The following RBFOX2 variants were observed in gnomAD, a reference collection of about 807,000 sequenced individuals.
The protein encoded by RBFOX2 is RNA binding fox-1 homolog 2.
A neutral mutation model predicts 49.1 loss-of-function variants in RBFOX2; 10 were observed. The observed-to-expected ratio is 0.20, with a 90% confidence interval of 0.13 to 0.35. RBFOX2 has a LOEUF of 0.35. Among genes scored for constraint, RBFOX2 ranks in the 10% least tolerant of loss-of-function variants. RBFOX2 has a pLI of 1.00. For missense variants in RBFOX2, 323 were observed against 486.9 expected, an observed-to-expected ratio of 0.66 and a Z score of 3.17; for synonymous variants, 183 against 187.4, an observed-to-expected ratio of 0.98 and a Z score of 0.19.
At chr22:35,750,574 C>T (rs1934527696) in intron 9 of RBFOX2, 2 of 651,322 alleles carry the variant, frequency 3.1e-6, no homozygotes, top group South Asian at 3.8e-5. Flanking sequence ...ATAAATTTGG[C>T]TTGGCTAAGC....
intron 3 of RBFOX2, among the ~76,000 whole-genome samples, chr22:35,780,207 C>T (rs554538861): frequency 2.0e-5 from 3 of 152,028 alleles, no homozygotes; most frequent in African/African-American, 4.8e-5. Context: ...CTCTTTAGTG[C>T]GGAAAATACA....
chr22:35,893,880 A>C (rs1331401519), intron 1 of RBFOX2, among the ~76,000 whole-genome samples: 1 of 151,988 alleles, frequency 6.6e-6, no homozygotes, highest in African/African-American at 2.4e-5. Flanking sequence ...AAACTTTCAA[A>C]AAGCTGGTTA....
chr22:36,017,139 C>T (rs886333721), intron 1 of RBFOX2, among the ~76,000 whole-genome samples: 1 of 152,206 alleles, frequency 6.6e-6, no homozygotes, highest in African/African-American at 2.4e-5. Flanking sequence ...GGAACACTAT[C>T]AGACTTCCTT....
At chr22:35,770,959 T>C (rs1942499888) in intron 4 of RBFOX2, among the ~76,000 whole-genome samples, 1 of 152,196 alleles carries the variant, frequency 6.6e-6, no homozygotes, top group Non-Finnish European at 1.5e-5. Flanking sequence ...TTTATAAGCA[T>C]CTTTTCCCTG....
In RBFOX2 at chr22:35,837,053, G is replaced by A. The variant is rs539304969; in HGVS notation, c.27+3139C>T. On this transcript the variant is annotated intron_variant, in intron 1 of 11. Coordinates refer to ENST00000405409, the Ensembl canonical transcript of RBFOX2. Reference sequence around the variant, plus strand: ...TAAGTATCACATAAGCATGTCTATCGGCTATATTAGAATTTTGTGATTAAA... The same window carrying A: ...TAAGTATCACATAAGCATGTCTATCAGCTATATTAGAATTTTGTGATTAAA... Among the ~76,000 whole-genome samples, 7 of 152,170 alleles carry A rather than the reference G, an allele frequency of 4.6e-5. No homozygotes were observed. The South Asian group carries it at 1.2e-3, about 27-fold the overall frequency.
At chr22:35,932,104 C>G (rs1343178476) in intron 1 of RBFOX2, among the ~76,000 whole-genome samples, 1 of 152,106 alleles carries the variant, frequency 6.6e-6, no homozygotes, top group Non-Finnish European at 1.5e-5. Context: ...AAGCACTAAG[C>G]TAGAACCTGA....
At chr22:36,028,732 C>G (rs1358197331) in exon 1 of RBFOX2, among the ~76,000 whole-genome samples, 1 of 151,744 alleles carries the variant, frequency 6.6e-6, no homozygotes, top group East Asian at 1.9e-4. Context: ...GCCGCGCCGC[C>G]CCGCCTCTCG....
chr22:35,977,183 G>A (rs533171856), intron 1 of RBFOX2, among the ~76,000 whole-genome samples: 12 of 151,906 alleles, frequency 7.9e-5, no homozygotes, highest in African/African-American at 2.9e-4. Flanking sequence ...AAAAAACAAC[G>A]GACAATACCA....
chr22:35,874,815 T>C, intron 1 of RBFOX2, among the ~76,000 whole-genome samples: 1 of 152,202 alleles, frequency 6.6e-6, no homozygotes, highest in South Asian at 2.1e-4. Flanking sequence ...AGTGTTTGTG[T>C]CCCCCCAACT....
chr22:36,024,182 A>AAATTTC (rs752524252), intron 1 of RBFOX2, among the ~76,000 whole-genome samples: 11 of 152,248 alleles, frequency 7.2e-5, no homozygotes, highest in Non-Finnish European at 1.2e-4. Context: ...TGTAAAAGGT[A>AAATTTC]AATTTCAATT....
At chr22:35,792,624 T>C (rs1029093740) in intron 2 of RBFOX2, among the ~76,000 whole-genome samples, 5 of 152,202 alleles carry the variant, frequency 3.3e-5, no homozygotes, top group Admixed American at 6.5e-5. Flanking sequence ...GAAGGAACTA[T>C]TATCATCATT....
chr22:35,887,261 T>G (rs1268804627), intron 1 of RBFOX2, among the ~76,000 whole-genome samples: 1 of 152,134 alleles, frequency 6.6e-6, no homozygotes, highest in Non-Finnish European at 1.5e-5. Context: ...CTTAAAATCT[T>G]TATTCTCATT....
At chr22:35,781,421 G>C (rs750535467) in intron 3 of RBFOX2, among the ~76,000 whole-genome samples, 179 bp downstream of exon 4, 13 of 152,212 alleles carry the variant, frequency 8.5e-5, no homozygotes, top group Non-Finnish European at 1.9e-4. Context: ...GCAAGACTAT[G>C]TCTAGAGCAG....
chr22:35,763,478 C>T (rs1939712020), intron 6 of RBFOX2, among the ~76,000 whole-genome samples: 1 of 152,182 alleles, frequency 6.6e-6, no homozygotes, highest in African/African-American at 2.4e-5. Context: ...ACGAGTATCG[C>T]TTGAACCCGG....
At chr22:35,980,927 T>C (rs1010344350) in intron 1 of RBFOX2, among the ~76,000 whole-genome samples, 1 of 152,174 alleles carries the variant, frequency 6.6e-6, no homozygotes, top group African/African-American at 2.4e-5. Flanking sequence ...ATTTATGTTA[T>C]GTGTTTTACT....
chr22:35,783,938 C>T (rs541810611), intron 2 of RBFOX2, among the ~76,000 whole-genome samples: 2 of 152,294 alleles, frequency 1.3e-5, no homozygotes, highest in South Asian at 4.1e-4. Context: ...GACAGGCACA[C>T]CCCCCTGAAA....
intron 1 of RBFOX2, among the ~76,000 whole-genome samples, chr22:35,948,898 C>T (rs1001848482): frequency 4.6e-5 from 7 of 151,864 alleles, no homozygotes; most frequent in Admixed American, 4.6e-4. Flanking sequence ...GTTGTGCAAC[C>T]ACCTCCATCC....
chr22:35,967,018 T>C (rs1318456439), intron 1 of RBFOX2, among the ~76,000 whole-genome samples: 1 of 151,952 alleles, frequency 6.6e-6, no homozygotes, highest in African/African-American at 2.4e-5. Flanking sequence ...GAGGTCTTAC[T>C]ATGTTGTTGC....
intron 1 of RBFOX2, among the ~76,000 whole-genome samples, chr22:35,885,263 T>C (rs1257759906): frequency 6.6e-6 from 1 of 152,194 alleles, no homozygotes; most frequent in African/African-American, 2.4e-5. Context: ...TGGCATCTAC[T>C]GTACTGTTTA....
Sources: allele counts gnomAD v4.1 joint callset (sites outside exome capture counted in the v4.1 genomes callset), GRCh38; gene constraint gnomAD v4.1.1; transcripts MANE v1.5; gene names NCBI Gene and HGNC (gene_info 2026-07-23, HGNC 2026-07-21).